The following SEMA3D variants were observed in gnomAD, a reference collection of about 807,000 sequenced individuals.
SEMA3D encodes semaphorin 3D.
Under a neutral mutation model 100.1 loss-of-function variants are expected in SEMA3D, and 84 were observed. The observed-to-expected ratio is 0.84, with a 90% CI of 0.70 to 1.01. The LOEUF is 1.01. Among genes scored for constraint, SEMA3D ranks in the 50% least tolerant of loss-of-function variants. SEMA3D has a pLI of 0.00. For missense variants in SEMA3D, 875 were observed against 934.1 expected, an observed-to-expected ratio of 0.94 and a Z score of 0.82; for synonymous variants, 312 against 320.7, an observed-to-expected ratio of 0.97 and a Z score of 0.29.
rs182835613 is a variant in SEMA3D, at chr7:85,138,401, G to A, written c.-41+15207C>T. Among the ~76,000 whole-genome samples the A allele has an allele frequency of 2.3e-3, 347 of 151,820 alleles. 1 individual carries two copies. Among genetic ancestry groups the A allele is most frequent in the Middle Eastern group, 0.014 (4 of 292 alleles). The stretch of plus-strand genomic sequence containing the variant: ...CCTCCCCGGTTCAAGGGATTCTCAC[G>A]TCTCAGCCTCTAGAGCAGCTGGGAT... On this transcript the variant is annotated intron_variant, in intron 2 of 18. Transcript: ENST00000284136.
chr7:85,032,238 T>A (rs1223106026), intron 12 of SEMA3D, among the ~76,000 whole-genome samples: 2 of 152,018 alleles, frequency 1.3e-5, no homozygotes, highest in Non-Finnish European at 2.9e-5. Flanking sequence ...TTCAATGATT[T>A]AATGTGTAGT....
At chr7:85,158,428 T>A (rs1790656840) in intron 1 of SEMA3D, among the ~76,000 whole-genome samples, 1 of 152,170 alleles carries the variant, frequency 6.6e-6, no homozygotes. Context: ...GTAGCGCTCC[T>A]AGGCTTATTA....
At chr7:85,174,909 T>C (rs2116558274) in intron 1 of SEMA3D, among the ~76,000 whole-genome samples, 1 of 152,234 alleles carries the variant, frequency 6.6e-6, no homozygotes, top group South Asian at 2.1e-4. Context: ...GCTGGTTTGC[T>C]CTGCTTATCA....
the SEMA3D span, among the ~76,000 whole-genome samples, chr7:85,197,639 T>C: frequency 1.2e-4 from 18 of 152,156 alleles, no homozygotes. Context: ...TCATGGGCCA[T>C]GGTCACTCAT....
At position 85,099,146 on chromosome 7, in the gene SEMA3D, T is replaced by A. The variant is rs145062413; in HGVS notation, c.152-1181A>T. Among the ~76,000 whole-genome samples the A allele has an allele frequency of 4.1e-3, 620 of 152,066 alleles. 7 individuals carry two copies. The highest frequency in any genetic ancestry group is 0.015 in the African/African-American group (605 of 41,546). On this transcript the variant is annotated intron_variant, in intron 3 of 18. Transcript: ENST00000284136. Reference sequence around the variant, plus strand: ...CAGCCATAAACACCTGTGTGGAGGTTTTTGTGTGGACATAGTGATATGGTT... The same window carrying A: ...CAGCCATAAACACCTGTGTGGAGGTATTTGTGTGGACATAGTGATATGGTT...
At chr7:85,224,041 A>C in the SEMA3D span, among the ~76,000 whole-genome samples, 5 of 152,194 alleles carry the variant, frequency 3.3e-5, no homozygotes, top group African/African-American at 1.2e-4. Flanking sequence ...CAATACTACA[A>C]ATATATCAAT....
intron 1 of SEMA3D, among the ~76,000 whole-genome samples, chr7:85,158,068 CACCTCAG>C: frequency 6.6e-6 from 1 of 152,202 alleles, no homozygotes; most frequent in Middle Eastern, 3.4e-3. Flanking sequence ...GGATGTATGT[CACCTCAG>C]GACCGTGTGA....
intron 1 of SEMA3D, among the ~76,000 whole-genome samples, chr7:85,178,412 T>C (rs1234152420): frequency 6.6e-6 from 1 of 152,152 alleles, no homozygotes; most frequent in African/African-American, 2.4e-5. Context: ...TATAATGATA[T>C]GAACAATGAA....
At chr7:85,147,081 C>CT (rs1357778775) in intron 2 of SEMA3D, among the ~76,000 whole-genome samples, 1 of 67,548 alleles carries the variant, frequency 1.5e-5, no homozygotes. Flanking sequence ...TCTTTCTTTT[C>CT]TTTTTCTTTT....
chr7:85,084,207 G>A (rs1004626226), intron 4 of SEMA3D, among the ~76,000 whole-genome samples: 2 of 151,964 alleles, frequency 1.3e-5, no homozygotes, highest in East Asian at 3.9e-4. Context: ...ATGAGCTTAT[G>A]AACTCTCAAG....
At position 85,020,258 on chromosome 7, in the gene SEMA3D, A is replaced by G. The variant is rs958561051; in HGVS notation, c.1478T>C (p.Val493Ala). ...SKEKWNMEEV[V>A]LEELQIFKHS... ...CTTGAATATCTGCAACTCCTCCAGC[A>G]CTACCTCTTCCATATTCCACTTTTC... is the stretch of plus-strand genomic sequence containing the variant. Residue 493 changes from valine (V) to alanine (A), a missense_variant, in exon 14 of 19, where the codon GTG becomes GCG. Transcript: ENST00000284136. 1 of 1,609,822 alleles carries G rather than the reference A, an allele frequency of 6.2e-7. No homozygotes were observed. Among genetic ancestry groups the G allele is most frequent in the Non-Finnish European group, 8.5e-7 (1 of 1,177,144 alleles).
chr7:85,239,990 G>T, the SEMA3D span, among the ~76,000 whole-genome samples: 23 of 151,926 alleles, frequency 1.5e-4, no homozygotes, highest in Non-Finnish European at 2.5e-4. Flanking sequence ...TTCCTGTTAG[G>T]TCTAACATTC....
chr7:85,186,909 G>A lies in SEMA3D; in HGVS notation c.-404C>T, dbSNP rs1484530772. ...GGGGGCGCTGCTGCCTCCCCCGAGA[G>A]CCGCGCTAGGACAGGCGGAGAGCAA... On this transcript the variant is annotated 5_prime_UTR_variant, in exon 1 of 19. Coordinates refer to ENST00000284136, the MANE Select transcript of SEMA3D (RefSeq NM_001384900.1). 6.6e-6 allele frequency: 1 copy of A among 152,272 alleles called. No individual in the cohort carries two copies. Among genetic ancestry groups the A allele is most frequent in the African/African-American group, 2.4e-5 (1 of 41,436 alleles). The allele number at this position is 152,272 out of a possible 1,614,324, so 9.4% of individuals were successfully genotyped here.
intron 4 of SEMA3D, among the ~76,000 whole-genome samples, chr7:85,092,721 C>G (rs1048944515): frequency 6.6e-6 from 1 of 151,962 alleles, no homozygotes; most frequent in African/African-American, 2.4e-5. Flanking sequence ...TTATAAGACA[C>G]TCTTTCTTAT....
chr7:85,113,765 G>A (rs1409159646), intron 3 of SEMA3D, among the ~76,000 whole-genome samples: 1 of 53,988 alleles, frequency 1.9e-5, no homozygotes, highest in East Asian at 6.1e-4. Context: ...GTGATATTCT[G>A]TCTCAAAAAA....
the SEMA3D span, among the ~76,000 whole-genome samples, chr7:85,195,501 A>C: frequency 6.6e-6 from 1 of 152,020 alleles, no homozygotes; most frequent in Non-Finnish European, 1.5e-5. Context: ...GGCTAGAGCT[A>C]GAGTGCAGTG....
At chr7:85,075,865 G>C (rs146181465) in intron 5 of SEMA3D, among the ~76,000 whole-genome samples, 84 of 152,298 alleles carry the variant, frequency 5.5e-4, no homozygotes, top group African/African-American at 1.9e-3. Context: ...ACTTTACAAT[G>C]ACTTCCCTTT....
chr7:85,229,531 A>G, the SEMA3D span, among the ~76,000 whole-genome samples: 224 of 152,168 alleles, frequency 1.5e-3, no homozygotes, highest in Non-Finnish European at 2.3e-3. Context: ...TTATGGCTAA[A>G]CTCCAAAAAT....
intron 5 of SEMA3D, among the ~76,000 whole-genome samples, chr7:85,076,125 T>C (rs73179845): frequency 1.8e-3 from 281 of 152,290 alleles, no homozygotes; most frequent in Non-Finnish European, 3.6e-3. Flanking sequence ...GATCATTGCA[T>C]GTGACCAAAC....
Sources: gnomAD v4.1 joint callset for allele counts (sites outside exome capture counted in the v4.1 genomes callset) on GRCh38, gnomAD v4.1.1 for gene constraint, MANE v1.5 for transcripts, NCBI Gene and HGNC (gene_info 2026-07-23, HGNC 2026-07-21) for gene names.